Variants in NBDY observed in about 807,000 individuals in gnomAD.
The protein encoded by NBDY is negative regulator of P-body association.
chrX:56,812,063 A>G (rs1479616241), intron 2 of NBDY, among the ~76,000 whole-genome samples: 2 of 110,579 alleles, frequency 1.8e-5, no homozygotes, highest in African/African-American at 3.3e-5. Context: ...GCTTTGGCTG[A>G]CCCTCCTTGG....
intron 2 of NBDY, among the ~76,000 whole-genome samples, chrX:56,765,135 G>A (rs766530120): frequency 1.8e-5 from 2 of 111,708 alleles, no homozygotes; most frequent in South Asian, 7.5e-4. Flanking sequence ...AGCTGGGCGC[G>A]GGGACACCGT....
At chrX:56,795,904 G>A (rs1348768505) in intron 2 of NBDY, among the ~76,000 whole-genome samples, 4 of 112,017 alleles carry the variant, frequency 3.6e-5, no homozygotes, top group East Asian at 5.6e-4. Context: ...AGAGGTTCTC[G>A]TTTTTAACTT....
At chrX:56,804,096 G>T (rs764007410) in intron 2 of NBDY, among the ~76,000 whole-genome samples, 2 of 111,659 alleles carry the variant, frequency 1.8e-5, no homozygotes, top group African/African-American at 6.5e-5. Flanking sequence ...GAGTGCATGG[G>T]CCTGCTTGTA....
chrX:56,747,599 T>C (rs963576490), intron 2 of NBDY, among the ~76,000 whole-genome samples: 1 of 111,627 alleles, frequency 9.0e-6, no homozygotes, highest in African/African-American at 3.3e-5. Context: ...CTACAAAGGC[T>C]CAAGATAGAT....
intron 2 of NBDY, among the ~76,000 whole-genome samples, chrX:56,788,808 C>T (rs779976396): frequency 9.0e-4 from 101 of 112,187 alleles, no homozygotes; most frequent in African/African-American, 3.2e-3. Flanking sequence ...TGGACTGACT[C>T]GTCTTGGGGC....
chrX:56,783,992 T>G (rs921882045), intron 2 of NBDY, among the ~76,000 whole-genome samples: 2 of 111,693 alleles, frequency 1.8e-5, no homozygotes, highest in Non-Finnish European at 3.8e-5. Context: ...TGGGCAGGGG[T>G]CCCAGTGAAC....
intron 2 of NBDY, among the ~76,000 whole-genome samples, chrX:56,790,405 A>C (rs766168020): frequency 8.9e-6 from 1 of 112,074 alleles, no homozygotes; most frequent in East Asian, 2.8e-4. Flanking sequence ...TCACAAGAGC[A>C]GTGTCAATCT....
At chrX:56,799,307 C>A (rs2069809928) in intron 2 of NBDY, among the ~76,000 whole-genome samples, 1 of 112,857 alleles carries the variant, frequency 8.9e-6, no homozygotes, top group Admixed American at 9.3e-5. Context: ...CCCTGCGTGG[C>A]CCCAGCCAAG....
intron 2 of NBDY, among the ~76,000 whole-genome samples, chrX:56,812,586 G>T (rs1456533895): frequency 1.8e-5 from 2 of 110,800 alleles, no homozygotes; most frequent in Non-Finnish European, 3.8e-5. Flanking sequence ...CTCCTGCAAG[G>T]CTACTTGTGG....
intron 2 of NBDY, among the ~76,000 whole-genome samples, chrX:56,765,229 C>T (rs989009684): frequency 4.5e-5 from 5 of 112,011 alleles, no homozygotes; most frequent in Non-Finnish European, 7.5e-5. Context: ...TTTCCCTCTC[C>T]TTTCTGCCCT....
intron 2 of NBDY, among the ~76,000 whole-genome samples, chrX:56,767,557 G>C (rs2069673418): frequency 8.8e-6 from 1 of 113,211 alleles, no homozygotes. Context: ...TTGCCGGTCG[G>C]CATGAGCTCG....
intron 2 of NBDY, among the ~76,000 whole-genome samples, chrX:56,740,347 A>T (rs2069525661): frequency 8.9e-6 from 1 of 111,881 alleles, no homozygotes. Flanking sequence ...TGCTTATGTG[A>T]TAATGATTAT....
At chrX:56,753,724 G>T (rs1329830058) in intron 2 of NBDY, among the ~76,000 whole-genome samples, 1 of 111,577 alleles carries the variant, frequency 9.0e-6, no homozygotes, top group Non-Finnish European at 1.9e-5. Flanking sequence ...AGAGGGTGTG[G>T]TTAACAGTGT....
chrX:56,807,632 A>G (rs1464243237), intron 2 of NBDY, among the ~76,000 whole-genome samples: 3 of 111,837 alleles, frequency 2.7e-5, no homozygotes, highest in Non-Finnish European at 5.6e-5. Flanking sequence ...TTCTTGGGGT[A>G]TAGGAATGCT....
At chrX:56,746,608 T>C (rs1386414338) in intron 2 of NBDY, among the ~76,000 whole-genome samples, 1 of 110,548 alleles carries the variant, frequency 9.0e-6, no homozygotes, top group Non-Finnish European at 1.9e-5. Flanking sequence ...TGGGGGGATA[T>C]GTCCTGCTCA....
intron 2 of NBDY, among the ~76,000 whole-genome samples, chrX:56,740,848 C>T (rs775892537): frequency 1.5e-4 from 17 of 110,832 alleles, no homozygotes; most frequent in South Asian, 1.5e-3. Flanking sequence ...TCATTTCAAG[C>T]ATTTATCCTT....
At chrX:56,753,846 G>A (rs1025862424) in intron 2 of NBDY, among the ~76,000 whole-genome samples, 1 of 111,242 alleles carries the variant, frequency 9.0e-6, no homozygotes, top group Admixed American at 9.5e-5. Flanking sequence ...AGTGACTTTG[G>A]TAAGAGAAGA....
chrX:56,796,717 G>A (rs1755788942), intron 2 of NBDY, among the ~76,000 whole-genome samples: 1 of 111,121 alleles, frequency 9.0e-6, no homozygotes, highest in Admixed American at 9.5e-5. Flanking sequence ...TTGGGGCTCA[G>A]TGGTTCCTTG....
At chrX:56,807,909 T>C (rs2069861925) in intron 2 of NBDY, among the ~76,000 whole-genome samples, 1 of 111,891 alleles carries the variant, frequency 8.9e-6, no homozygotes, top group African/African-American at 3.3e-5. Flanking sequence ...TCAAAGGGAG[T>C]ACTTCCAGTT....
Sources: allele counts gnomAD v4.1 joint callset (sites outside exome capture counted in the v4.1 genomes callset), GRCh38; gene constraint gnomAD v4.1.1; transcripts MANE v1.5; gene names NCBI Gene and HGNC (gene_info 2026-07-23, HGNC 2026-07-21).